MGA: variants seen among roughly 807,000 people sequenced by gnomAD.
MGA encodes MAX gene-associated protein.
Under a neutral mutation model 261.1 loss-of-function variants are expected in MGA, and 40 were observed. That is an observed-to-expected ratio of 0.15 (90% CI 0.12 to 0.20). The LOEUF (loss-of-function observed/expected upper bound fraction) is 0.20, where lower values mean the gene tolerates loss of function less well. MGA is among the 10% of genes least tolerant of loss of function. The pLI is 1.00. For synonymous variants in MGA, 1,302 were observed against 1,290.6 expected, an observed-to-expected ratio of 1.01 and a Z score of -0.19; for missense variants, 3,397 against 3,630.5, an observed-to-expected ratio of 0.94 and a Z score of 1.65.
chr15:41,727,382 A>G lies in MGA; in HGVS notation c.3633A>G (p.Ser1211=), dbSNP rs768615568. 1.9e-6 allele frequency: 3 copies of G among 1,613,804 alleles called. No individual in the cohort carries two copies. In the Admixed American group the frequency reaches 5.0e-5, roughly 27 times the overall value. The change falls in exon 10 of 24, where the codon TCA becomes TCG. Residue 1211 remains serine (S), a synonymous_variant. Transcript: ENST00000219905. ...TCACTGGAATTAAATCTCCACGGTCATATACTCCCAAACCCAATCCTGTGG... is the reference window on the plus strand; with the variant it reads ...TCACTGGAATTAAATCTCCACGGTCGTATACTCCCAAACCCAATCCTGTGG...
chr15:41,743,299 G>A, intron 15 of MGA, 127 bp downstream of exon 15: 1 of 1,204,142 alleles, frequency 8.3e-7, no homozygotes, highest in Non-Finnish European at 1.1e-6. Context: ...CATGATACAT[G>A]TATTCCTGAA....
intron 2 of MGA, among the ~76,000 whole-genome samples, chr15:41,692,937 G>GT (rs1566983923): frequency 6.6e-6 from 1 of 151,962 alleles, no homozygotes; most frequent in Non-Finnish European, 1.5e-5. Context: ...ACCTCAGGTA[G>GT]TCCACCTGCA....
At chr15:41,739,851 G>T in intron 13 of MGA, 55 bp from the exon 14 acceptor site, 1 of 1,547,532 alleles carries the variant, frequency 6.5e-7, no homozygotes, top group Non-Finnish European at 8.8e-7. Flanking sequence ...TCAAGGGAGA[G>T]GAGTTAGCAA....
chr15:41,711,935 A>G (rs1706439191), intron 8 of MGA, among the ~76,000 whole-genome samples: 1 of 152,048 alleles, frequency 6.6e-6, no homozygotes. Context: ...ACCTTAGGTG[A>G]TCCACCTGTC....
chr15:41,739,666 A>G (rs1372997049), intron 13 of MGA, among the ~76,000 whole-genome samples: 1 of 152,234 alleles, frequency 6.6e-6, no homozygotes, highest in Non-Finnish European at 1.5e-5. Context: ...TGAGTTTCCG[A>G]TTCTCTATTT....
intron 5 of MGA, among the ~76,000 whole-genome samples, chr15:41,704,197 T>C (rs2059993224): frequency 6.6e-6 from 1 of 152,188 alleles, no homozygotes; most frequent in Admixed American, 6.5e-5. Context: ...TTAATAAAAA[T>C]GCTTTATTTT....
rs746632796 is a variant in MGA, at chr15:41,749,974, C to T, written c.6367C>T (p.Pro2123Ser). 1.2e-6 allele frequency: 2 copies of T among 1,612,444 alleles called. No individual in the cohort carries two copies. Among genetic ancestry groups the T allele is most frequent in the Non-Finnish European group, 1.7e-6 (2 of 1,179,514 alleles). Residue 2123 changes from proline (P) to serine (S), a missense_variant, in exon 17 of 24, where the codon CCA becomes TCA. Around this residue, in one of 9 missense-constraint regions of MGA, gnomAD observed 1,410 missense variants for 1,386.4 expected, o/e 1.02. Transcript: ENST00000219905. Reference sequence around the variant, plus strand: ...GGAACAGCAGAAAGGATTTGACAATCCAGAAGAAAACTCAAGTGAATTTCC... The same window carrying T: ...GGAACAGCAGAAAGGATTTGACAATTCAGAAGAAAACTCAAGTGAATTTCC...
Position 41,696,085 on chromosome 15 carries a change from A to C in MGA, c.1075A>C (p.Ser359Arg). ...CCTCTCTCTCTCCAGTCTTATTGCC[A>C]GCAGTTTTGAAGATGACTCCCGTGT... Residue 359 changes from serine to arginine, a missense_variant, in exon 3 of 24, where the codon AGC becomes CGC. Coordinates refer to ENST00000219905, the MANE Select transcript of MGA (RefSeq NM_001164273.2). The C allele has an allele frequency of 1.2e-6, 2 of 1,606,444 alleles. No homozygotes were observed. The highest frequency in any genetic ancestry group is 1.7e-6 in the Non-Finnish European group (2 of 1,175,820).
intron 1 of MGA, among the ~76,000 whole-genome samples, chr15:41,640,846 A>C (rs904491623): frequency 7.9e-5 from 12 of 152,166 alleles, no homozygotes; most frequent in Admixed American, 1.3e-4. Flanking sequence ...TTTGAGATAA[A>C]ATTAATGTAC....
intron 14 of MGA, among the ~76,000 whole-genome samples, chr15:41,740,628 A>C (rs1036699330): frequency 6.6e-6 from 1 of 152,126 alleles, no homozygotes; most frequent in Non-Finnish European, 1.5e-5. Context: ...ATAGTTTACT[A>C]TTTTCCTGTG....
At chr15:41,622,767 T>G (rs1330158169) in intron 1 of MGA, among the ~76,000 whole-genome samples, 1 of 152,168 alleles carries the variant, frequency 6.6e-6, no homozygotes, top group Non-Finnish European at 1.5e-5. Context: ...CCTTTGGTAT[T>G]TTTCTTGGTC....
intron 9 of MGA, among the ~76,000 whole-genome samples, chr15:41,721,050 A>G: frequency 6.6e-6 from 1 of 152,210 alleles, no homozygotes; most frequent in East Asian, 1.9e-4. Flanking sequence ...TGACTAAACA[A>G]TACAGCATTT....
At chr15:41,740,738 G>A (rs1304936202) in intron 14 of MGA, among the ~76,000 whole-genome samples, 1 of 152,172 alleles carries the variant, frequency 6.6e-6, no homozygotes, top group Non-Finnish European at 1.5e-5. Context: ...GCTAGCAAAA[G>A]CTAGTGGTGT....
At position 41,736,677 on chromosome 15, in the gene MGA, A is replaced by G. The variant is rs1418953132; in HGVS notation, c.4413A>G (p.Ser1471=). ...TGGCCTATAAACGTAAACCCAGTTC[A>G]AGTACATCTGGGCTTATCCAGGTGA... The change falls in exon 13 of 24, where the codon TCA becomes TCG. Residue 1471 remains serine (S), a synonymous_variant. Transcript: ENST00000219905. The G allele has an allele frequency of 1.2e-6, 2 of 1,611,538 alleles. No homozygotes were observed. Among genetic ancestry groups the G allele is most frequent in the Non-Finnish European group, 1.7e-6 (2 of 1,178,750 alleles).
intron 1 of MGA, among the ~76,000 whole-genome samples, chr15:41,629,578 A>C (rs943804139): frequency 6.6e-6 from 1 of 152,088 alleles, no homozygotes; most frequent in African/African-American, 2.4e-5. Context: ...AGAAAAAAAA[A>C]AAATTAGCTG....
chr15:41,738,753 G>A (rs1264640375), intron 13 of MGA, among the ~76,000 whole-genome samples: 1 of 152,170 alleles, frequency 6.6e-6, no homozygotes, highest in Non-Finnish European at 1.5e-5. Context: ...CAAGGGATCC[G>A]GGAGGGGGTA....
chr15:41,742,944 A>G lies in MGA; in HGVS notation c.4984A>G (p.Lys1662Glu), dbSNP rs1288422445. The G allele has an allele frequency of 5.0e-6, 8 of 1,613,856 alleles. No individual in the cohort carries two copies. The highest frequency in any genetic ancestry group is 1.7e-5 in the Admixed American group (1 of 59,984). The stretch of plus-strand genomic sequence containing the variant: ...GTCTACAGCCACTGTGAACCTTACC[A>G]AAACCACTGGGATAACTACCCCTGT... Residue 1662 changes from lysine to glutamate, a missense_variant, in exon 15 of 24, where the codon AAA becomes GAA. By Grantham distance (56) the Lys-to-Glu change is moderately conservative. Around this residue, in one of 9 missense-constraint regions of MGA, gnomAD observed 1,410 missense variants for 1,386.4 expected, o/e 1.02. Coordinates refer to ENST00000219905, the MANE Select transcript of MGA (RefSeq NM_001164273.2).
Position 41,634,984 on chromosome 15 carries a change from A to G in MGA, c.-68+13686A>G, listed in dbSNP as rs369033853. Among the ~76,000 whole-genome samples the G allele has an allele frequency of 9.2e-5, 14 of 152,162 alleles. No individual in the cohort carries two copies. In the South Asian group the frequency reaches 1.7e-3, roughly 18 times the overall value. On this transcript the variant is annotated intron_variant, in intron 1 of 8. Coordinates refer to the MGA transcript ENST00000566718. ...AGTTTGAAGTAAGAACACTTAGGAGATTATTAGGATGACATAGTTCAGAGG... is the reference window on the plus strand; with the variant it reads ...AGTTTGAAGTAAGAACACTTAGGAGGTTATTAGGATGACATAGTTCAGAGG...
intron 3 of MGA, among the ~76,000 whole-genome samples, chr15:41,697,416 T>C (rs564699184): frequency 1.0e-4 from 14 of 136,050 alleles, no homozygotes; most frequent in Middle Eastern, 4.0e-3. Context: ...TATTTTTCTT[T>C]TCTTTTTTTT....
Sources: allele counts gnomAD v4.1 joint callset (sites outside exome capture counted in the v4.1 genomes callset), GRCh38; gene constraint gnomAD v4.1.1; regional missense constraint gnomAD v4.1.1; transcripts MANE v1.5; gene names NCBI Gene and HGNC (gene_info 2026-07-23, HGNC 2026-07-21).